AKNA: variants seen among roughly 807,000 people sequenced by gnomAD.
The protein encoded by AKNA is microtubule organization protein AKNA.
In AKNA, 67 loss-of-function variants were observed where a neutral mutation model predicts 138.8. The observed-to-expected ratio is 0.48, with a 90% CI of 0.40 to 0.59. The LOEUF (loss-of-function observed/expected upper bound fraction) is 0.59, where lower values mean the gene tolerates loss of function less well. Among genes scored for constraint, AKNA ranks in the 20% least tolerant of loss-of-function variants. AKNA has a pLI of 0.00. For missense variants in AKNA, 1,813 were observed against 1,880.4 expected, an observed-to-expected ratio of 0.96 and a Z score of 0.66; for synonymous variants, 737 against 754.4, an observed-to-expected ratio of 0.98 and a Z score of 0.38.
rs974343899 is a variant in AKNA, at chr9:114,350,951, G to C, written c.3129C>G (p.Ser1043Arg). ...SEQPLPNKTISPPPAPAPAAA... is the reference protein window; with the variant it reads ...SEQPLPNKTIRPPPAPAPAAA... ...CGGCAGGGGCGGGGGCTGGGGGTGG[G>C]CTGATTGTCTTGTTGGGAAGGGGCT... The change falls in exon 15 of 22, where the codon AGC (serine) becomes AGG (arginine). Residue 1043 changes from serine to arginine, a missense_variant. Coordinates refer to ENST00000374088, the MANE Select transcript of AKNA (RefSeq NM_001317950.2). 6.2e-7 allele frequency: 1 copy of C among 1,613,060 alleles called. No individual in the cohort carries two copies. The highest frequency in any genetic ancestry group is 2.2e-5 in the East Asian group (1 of 44,844).
In AKNA at chr9:114,381,411, CTGGTTCCTG is replaced by C; in HGVS notation, c.-87_-79del. 2 of 1,449,634 alleles carry C rather than the reference CTGGTTCCTG, an allele frequency of 1.4e-6. No individual in the cohort carries two copies. The highest frequency in any genetic ancestry group is 1.8e-6 in the Non-Finnish European group (2 of 1,105,130). 89.8% of individuals were successfully genotyped at this position (1,449,634 alleles called of 1,614,324 possible). On this transcript the variant is annotated 5_prime_UTR_variant, in exon 2 of 22. Transcript: ENST00000374088. ...GCTGCCAGGGGCCCCAGAGTCACCG[CTGGTTCCTG>C]TCAGCATCGGCCATCCTGCCTGTGC...
rs775263057 is a variant in AKNA at position 114,361,715 on chromosome 9, A to T, written c.2113T>A (p.Ser705Thr). ...GAGCCAAGAGGTACCTCAGGGCAGG[A>T]GGTCTTGATGGCTGGCATGGGGGCT... is the stretch of plus-strand genomic sequence containing the variant. ...GQAPMPAIKTSCPEPATTTAA... is the reference protein window; with the variant it reads ...GQAPMPAIKTTCPEPATTTAA... Residue 705 changes from serine to threonine, a missense_variant, in exon 9 of 22, where the codon TCC (serine) becomes ACC (threonine). Coordinates refer to ENST00000374088, the MANE Select transcript of AKNA (RefSeq NM_001317950.2). The T allele has an allele frequency of 3.7e-6, 6 of 1,613,170 alleles. No homozygotes were observed. The Admixed American group carries it at 1.0e-4, about 27-fold the overall frequency.
In AKNA at chr9:114,356,105, C is replaced by A; in HGVS notation, c.2878G>T (p.Ala960Ser). 2 of 1,614,074 alleles carry A rather than the reference C, an allele frequency of 1.2e-6. No individual in the cohort carries two copies. The highest frequency in any genetic ancestry group is 2.7e-5 in the African/African-American group (2 of 75,036). Residue 960 changes from alanine (A) to serine (S), a missense_variant, in exon 14 of 22, where the codon GCA becomes TCA. Physicochemically the swap from Ala to Ser is moderately conservative, Grantham distance 99. Transcript: ENST00000374088. ...GAAGCTCCATCCCTGGGCACAGATG[C>A]AGCAAAGGGCTGGGCTAATGTTCCT... ...TAGTLAQPFA[A>S]SVPRDGASYP...
At chr9:114,348,556 G>C (rs1344900333) in intron 15 of AKNA, among the ~76,000 whole-genome samples, 1 of 152,190 alleles carries the variant, frequency 6.6e-6, no homozygotes, top group Non-Finnish European at 1.5e-5. Flanking sequence ...CGGGAGGGCT[G>C]ACTAAGAGCA....
In AKNA at chr9:114,359,966, GT is replaced by G. The variant is rs754520201; in HGVS notation, c.2220del (p.Gln741ArgfsTer28). On this transcript the variant is annotated frameshift_variant, in exon 10 of 22. Transcript: ENST00000374088. LOFTEE classifies it high-confidence loss of function. Reference protein sequence around the residue: ...SSGNSEVEDRPQDPLARLRHK... With the variant: ...SSGNSEVEDRXQDPLARLRHK... ...TGCCTGAGTCGGGCCAGGGGGTCCT[GT>G]GGCCTGTCCTCCACCTCACTGTTGC... 1 of 1,614,228 alleles carries G rather than the reference GT, an allele frequency of 6.2e-7. No individual in the cohort carries two copies. The highest frequency in any genetic ancestry group is 8.5e-7 in the Non-Finnish European group (1 of 1,180,030).
chr9:114,361,820 C>G lies in AKNA; in HGVS notation c.2008G>C (p.Gly670Arg), dbSNP rs148417221. The G allele has an allele frequency of 1.9e-6, 3 of 1,613,378 alleles. No homozygotes were observed. Among genetic ancestry groups the G allele is most frequent in the Admixed American group, 1.7e-5 (1 of 59,998 alleles). ...GTGCTGTCCAGAGCTGAGTCTGACC[C>G]GGGCGGCTCAGGCTCTTGCTGGGTC... is the stretch of plus-strand genomic sequence containing the variant. ...DQTQQEPEPPGSDSALDSTPA... is the reference protein window; with the variant it reads ...DQTQQEPEPPRSDSALDSTPA... Residue 670 changes from glycine (G) to arginine (R), a missense_variant, in exon 9 of 22, where the codon GGG (glycine) becomes CGG (arginine). Physicochemically the swap from Gly to Arg is moderately radical, Grantham distance 125. Transcript: ENST00000374088.
In AKNA at chr9:114,377,489, C is replaced by G. The variant is rs771512192; in HGVS notation, c.318G>C (p.Glu106Asp). The change falls in exon 3 of 22, where the codon GAG becomes GAC. Residue 106 changes from glutamate (E) to aspartate (D), a missense_variant. Coordinates refer to ENST00000374088, the MANE Select transcript of AKNA (RefSeq NM_001317950.2). ...EDVDSPASSH[E>D]PLAWLPQQGR... is the part of the protein sequence containing the mutation. ...CCTGCTGGGGGAGCCAGGCAAGAGG[C>G]TCATGGGAACTTGCTGGGCTGTCCA... The G allele has an allele frequency of 1.2e-6, 2 of 1,611,810 alleles. No homozygotes were observed. Among genetic ancestry groups the G allele is most frequent in the South Asian group, 2.2e-5 (2 of 90,716 alleles).
chr9:114,362,360 G>A (rs1482577994), intron 8 of AKNA, 46 bp downstream of exon 8: 7 of 1,574,182 alleles, frequency 4.4e-6, no homozygotes, highest in South Asian at 3.5e-5. Context: ...GGGACCCCAG[G>A]GGCCCATCCC....
At chr9:114,369,768 T>C (rs1832632442) in intron 4 of AKNA, among the ~76,000 whole-genome samples, 1 of 151,772 alleles carries the variant, frequency 6.6e-6, no homozygotes, top group African/African-American at 2.4e-5. Flanking sequence ...TAACAATCAC[T>C]ATTACCATCA....
upstream of AKNA, among the ~76,000 whole-genome samples, chr9:114,390,571 A>G (rs576723928): frequency 1.3e-5 from 2 of 152,302 alleles, no homozygotes; most frequent in East Asian, 3.9e-4. Flanking sequence ...AGGGTCCACT[A>G]ATCTGTTCCC....
At chr9:114,346,592 G>C (rs924392569) in intron 17 of AKNA, 77 bp downstream of exon 17, 2 of 1,136,658 alleles carry the variant, frequency 1.8e-6, no homozygotes, top group African/African-American at 3.2e-5. Flanking sequence ...GAATACTGTT[G>C]CTGTGGTCCC....
At chr9:114,346,864 T>C (rs1411739457) in intron 16 of AKNA, 80 bp from the exon 17 acceptor site, 9 of 1,173,338 alleles carry the variant, frequency 7.7e-6, no homozygotes, top group Non-Finnish European at 1.1e-5. Flanking sequence ...AAGTTCAACC[T>C]GGAGAAATGC....
At chr9:114,337,518 C>T (rs1325277219) in intron 21 of AKNA, among the ~76,000 whole-genome samples, 1 of 152,100 alleles carries the variant, frequency 6.6e-6, no homozygotes, top group Non-Finnish European at 1.5e-5. Flanking sequence ...ACATGAGTGC[C>T]TGACCCAGAA....
rs183142659 is a variant in AKNA at position 114,378,838 on chromosome 9, G to A, written c.275-1306C>T. Among the ~76,000 whole-genome samples, 245 of 152,214 alleles carry A rather than the reference G, an allele frequency of 1.6e-3. 2 individuals are homozygous for A. Among genetic ancestry groups the A allele is most frequent in the Middle Eastern group, 0.014 (4 of 294 alleles). On this transcript the variant is annotated intron_variant, in intron 2 of 21. Coordinates refer to ENST00000374088, the MANE Select transcript of AKNA (RefSeq NM_001317950.2). ...GAGCACCCACTCTGCTCTAGACCCC[G>A]TGTTGACCTCAGGGATAAGTCCAAA... is the stretch of plus-strand genomic sequence containing the variant.
chr9:114,372,964 CGGGGGGGGG>C (rs558347748), intron 4 of AKNA, among the ~76,000 whole-genome samples: 1 of 26,122 alleles, frequency 3.8e-5, no homozygotes, highest in Non-Finnish European at 7.7e-5. Context: ...GGGGACGCAG[CGGGGGGGGG>C]GGGGGTCCTG....
downstream of AKNA, chr9:114,331,558 C>G: frequency 6.2e-7 from 1 of 1,609,462 alleles, no homozygotes; most frequent in Non-Finnish European, 8.5e-7. Flanking sequence ...GGCTCTTTTT[C>G]TCTTCCAGAG....
At chr9:114,378,535 G>A (rs1326649120) in intron 2 of AKNA, among the ~76,000 whole-genome samples, 1 of 152,132 alleles carries the variant, frequency 6.6e-6, no homozygotes, top group African/African-American at 2.4e-5. Flanking sequence ...ACTATTTGTT[G>A]ACTAAACAGA....
intron 8 of AKNA, 116 bp from the exon 9 acceptor site, chr9:114,362,027 T>C (rs1242476020): frequency 7.8e-6 from 8 of 1,029,468 alleles, no homozygotes; most frequent in African/African-American, 4.8e-5. Flanking sequence ...GTCCATTTAA[T>C]ATCAGCCTTT....
rs201077805 is a variant in AKNA at position 114,339,259 on chromosome 9, G to T, written c.4068-1953C>A. Among the ~76,000 whole-genome samples, 25 of 152,264 alleles carry T rather than the reference G, an allele frequency of 1.6e-4. 1 individual carries two copies. The East Asian group carries it at 4.4e-3, about 27-fold the overall frequency. On this transcript the variant is annotated intron_variant, in intron 21 of 21. Coordinates refer to ENST00000374088, the MANE Select transcript of AKNA (RefSeq NM_001317950.2). ...TGGGCTGGAAAGTCTCGGCTGCAGGGGCTATGGGACGGCTGCCCAGCAGGG... is the reference window on the plus strand; with the variant it reads ...TGGGCTGGAAAGTCTCGGCTGCAGGTGCTATGGGACGGCTGCCCAGCAGGG...
Sources: allele counts gnomAD v4.1 joint callset (sites outside exome capture counted in the v4.1 genomes callset), GRCh38; gene constraint gnomAD v4.1.1; transcripts MANE v1.5; gene names NCBI Gene and HGNC (gene_info 2026-07-23, HGNC 2026-07-21).